The following KIF26A variants were observed in gnomAD, a reference collection of about 807,000 sequenced individuals.
The protein encoded by KIF26A is kinesin-like protein KIF26A.
A neutral mutation model predicts 126.0 loss-of-function variants in KIF26A; 74 were observed. The observed-to-expected ratio is 0.59, with a 90% CI of 0.49 to 0.71. The LOEUF (loss-of-function observed/expected upper bound fraction) is 0.71, where lower values mean the gene tolerates loss of function less well. Ranked by LOEUF, KIF26A falls within the 30% of genes least tolerant of loss-of-function variation. KIF26A has a pLI of 0.00. For synonymous variants in KIF26A, 1,445 were observed against 1,232.7 expected (o/e 1.17, Z -3.61); for missense variants, 2,984 against 2,763.3 (o/e 1.08, Z -1.79).
In KIF26A at chr14:104,157,917, T is replaced by G; in HGVS notation, c.898T>G (p.Ser300Ala). Reference protein sequence around the residue: ...PGSVGGSTGPSAAASFFIRAM... With the variant: ...PGSVGGSTGPAAAASFFIRAM... ...CTCGGTGGGGGGCTCCACAGGCCCC[T>G]CAGCTGCAGCCTCCTTCTTCATAAG... is the stretch of plus-strand genomic sequence containing the variant. Residue 300 changes from serine (S) to alanine (A), a missense_variant, in exon 4 of 15, where the codon TCA (serine) becomes GCA (alanine). Coordinates refer to ENST00000423312, the MANE Select transcript of KIF26A (RefSeq NM_015656.2). The G allele has an allele frequency of 2.6e-6, 4 of 1,525,502 alleles. No homozygotes were observed. The highest frequency in any genetic ancestry group is 3.6e-4 in the Middle Eastern group (2 of 5,562). 94.5% of individuals were successfully genotyped at this position (1,525,502 alleles called of 1,614,324 possible).
chr14:104,173,900 G>C, intron 10 of KIF26A, 32 bp downstream of exon 10: 3 of 1,540,054 alleles, frequency 1.9e-6, no homozygotes, highest in Non-Finnish European at 2.6e-6. Flanking sequence ...GTGCCGACCA[G>C]GGTGGCCCCT....
In KIF26A at chr14:104,175,526, A is replaced by G. The variant is rs1252360350; in HGVS notation, c.2738A>G (p.Glu913Gly). Residue 913 changes from glutamate to glycine, a missense_variant, in exon 12 of 15, where the codon GAG becomes GGG. By Grantham distance (98) the Glu-to-Gly change is moderately conservative. Coordinates refer to ENST00000423312, the MANE Select transcript of KIF26A (RefSeq NM_015656.2). ...CCAGACACCCACCAGGGTACCCCTGAGCCCTGCAAGGCCATTGTCTGGGGT... is the reference window on the plus strand; with the variant it reads ...CCAGACACCCACCAGGGTACCCCTGGGCCCTGCAAGGCCATTGTCTGGGGT... ...SGPDTHQGTP[E>G]PCKAIVWGDQ... The G allele has an allele frequency of 1.2e-6, 2 of 1,600,742 alleles. No homozygotes were observed. Among genetic ancestry groups the G allele is most frequent in the Non-Finnish European group, 1.7e-6 (2 of 1,179,044 alleles).
intron 3 of KIF26A, among the ~76,000 whole-genome samples, chr14:104,156,430 C>T (rs1314204471): frequency 6.7e-6 from 1 of 149,534 alleles, no homozygotes; most frequent in Non-Finnish European, 1.5e-5. Context: ...TCGCCCTTTT[C>T]TGCTACTGGG....
At position 104,152,186 on chromosome 14, in the gene KIF26A, G is replaced by GC. The variant is rs2037735772; in HGVS notation, c.466dup (p.His156ProfsTer114). The stretch of plus-strand genomic sequence containing the variant: ...CCCTGCCAGCCATGAGGACCTTGAC[G>GC]CCCCCCATGGAGGCCCCAGCCTCGC... On this transcript the variant is annotated frameshift_variant, in exon 3 of 15. Transcript: ENST00000423312. LOFTEE classifies it high-confidence loss of function. This position sits in a 1 kb window ranked among gnomAD's most constrained non-coding sequence, Gnocchi z 5.9. 1 of 1,607,012 alleles carries GC rather than the reference G, an allele frequency of 6.2e-7. No individual in the cohort carries two copies. Among genetic ancestry groups the GC allele is most frequent in the Non-Finnish European group, 8.5e-7 (1 of 1,178,050 alleles).
At chr14:104,178,859 C>T (rs1039393689) in intron 13 of KIF26A, 104 bp downstream of exon 13, 8 of 684,438 alleles carry the variant, frequency 1.2e-5, no homozygotes, top group African/African-American at 1.8e-5. Context: ...GGGGGTGTGG[C>T]TGGGCAGCCC....
rs45447200 is a variant in KIF26A, at chr14:104,173,957, C to T, written c.2030+89C>T. On this transcript the variant is annotated intron_variant, in intron 10 of 14. Coordinates refer to ENST00000423312, the MANE Select transcript of KIF26A (RefSeq NM_015656.2). Reference sequence around the variant, plus strand: ...TCTGGTGTGCCCGGTGCTGCTGTGGCCCCCAGCTCCTCAGGGCTTTGCTCC... The same window carrying T: ...TCTGGTGTGCCCGGTGCTGCTGTGGTCCCCAGCTCCTCAGGGCTTTGCTCC... 6,610 of 1,456,440 alleles carry T rather than the reference C, an allele frequency of 4.5e-3. 20 individuals carry two copies. The highest frequency in any genetic ancestry group is 4.8e-3 in the Non-Finnish European group (5,276 of 1,093,804). The allele number at this position is 1,456,440 out of a possible 1,614,324, so 90.2% of individuals were successfully genotyped here.
At chr14:104,159,757 A>G (rs940092841) in intron 4 of KIF26A, among the ~76,000 whole-genome samples, 1 of 152,080 alleles carries the variant, frequency 6.6e-6, no homozygotes, top group African/African-American at 2.4e-5. Flanking sequence ...GTCGTGGTTC[A>G]GGTTGTGGCG....
At chr14:104,178,026 C>T in intron 12 of KIF26A, 128 bp downstream of exon 12, 1 of 1,099,198 alleles carries the variant, frequency 9.1e-7, no homozygotes, top group Non-Finnish European at 1.2e-6. Context: ...GTCCCAGACC[C>T]ACACAGCCGT....
At chr14:104,172,432 G>A in intron 6 of KIF26A, 143 bp from the exon 7 acceptor site, 2 of 612,834 alleles carry the variant, frequency 3.3e-6, no homozygotes, top group South Asian at 2.0e-5. Context: ...GTGTGCACAT[G>A]GGATCTGTCC....
chr14:104,157,621 C>A, intron 3 of KIF26A, 134 bp from the exon 4 acceptor site: 1 of 978,020 alleles, frequency 1.0e-6, no homozygotes, highest in Non-Finnish European at 1.4e-6. Flanking sequence ...ACAGGCTGGG[C>A]CCTGGGGGTG....
At chr14:104,171,485 C>T (rs190806150) in intron 5 of KIF26A, among the ~76,000 whole-genome samples, 1 of 152,310 alleles carries the variant, frequency 6.6e-6, no homozygotes. Context: ...ACATTCGGTG[C>T]TGACAGGCTG....
At chr14:104,174,576 C>T (rs184444031) in intron 11 of KIF26A, among the ~76,000 whole-genome samples, 11 of 152,284 alleles carry the variant, frequency 7.2e-5, no homozygotes, top group Admixed American at 6.5e-4. Flanking sequence ...CTGCTGCCCC[C>T]GCACAGGCCC....
rs2038010941 is a variant in KIF26A at position 104,175,457 on chromosome 14, T to A, written c.2669T>A (p.Val890Glu). The change falls in exon 12 of 15, where the codon GTG becomes GAG. Residue 890 changes from valine to glutamate, a missense_variant. Physicochemically the swap from Val to Glu is moderately radical, Grantham distance 121. Coordinates refer to ENST00000423312, the MANE Select transcript of KIF26A (RefSeq NM_015656.2). Reference protein sequence around the residue: ...PPEAASPRKAVGTPMAASTPR... With the variant: ...PPEAASPRKAEGTPMAASTPR... The stretch of plus-strand genomic sequence containing the variant: ...GAGGCTGCATCCCCCAGGAAGGCCG[T>A]GGGCACCCCGATGGCTGCCAGCACC... 6.3e-7 allele frequency: 1 copy of A among 1,591,620 alleles called. No homozygotes were observed. Among genetic ancestry groups the A allele is most frequent in the Non-Finnish European group, 8.5e-7 (1 of 1,176,350 alleles).
rs1344958912 is a variant in KIF26A at position 104,140,327 on chromosome 14, C to T, written c.288+1039C>T. Among the ~76,000 whole-genome samples, 5 of 152,242 alleles carry T rather than the reference C, an allele frequency of 3.3e-5. No homozygotes were observed. The East Asian group carries it at 9.7e-4, about 29-fold the overall frequency. On this transcript the variant is annotated intron_variant, in intron 2 of 14. Transcript: ENST00000423312. ...GGGCCTGTCCTGGGGTGGGGCTGGA[C>T]CCGCCCTGTCCTCTGCTCTGGACAG...
At position 104,152,298 on chromosome 14, in the gene KIF26A, G is replaced by A; in HGVS notation, c.572G>A (p.Arg191Lys). The change falls in exon 3 of 15, where the codon AGG (arginine) becomes AAG (lysine). Residue 191 changes from arginine (R) to lysine (K), a missense_variant. Physicochemically the swap from Arg to Lys is conservative, Grantham distance 26. Coordinates refer to ENST00000423312, the MANE Select transcript of KIF26A (RefSeq NM_015656.2). This position sits in a 1 kb window ranked among gnomAD's most constrained non-coding sequence, Gnocchi z 5.9. ...CAGCCAGGACGAGCTGGGCCAGACA[G>A]GACCAAGGGGCTGGCCTGGTCCCCC... ...GRQPGRAGPD[R>K]TKGLAWSPGP... 1 of 1,586,852 alleles carries A rather than the reference G, an allele frequency of 6.3e-7. No homozygotes were observed.
Position 104,179,767 on chromosome 14 carries a change from G to A in KIF26A, c.5626G>A (p.Gly1876Arg). 1 of 1,546,378 alleles carries A rather than the reference G, an allele frequency of 6.5e-7. No individual in the cohort carries two copies. The highest frequency in any genetic ancestry group is 8.7e-7 in the Non-Finnish European group (1 of 1,146,730). ...CGTTGCAGCCAGTGCTGCCATCCCGGGGCCGCAGGAGGTGGACGTCTGAGG... is the reference window on the plus strand; with the variant it reads ...CGTTGCAGCCAGTGCTGCCATCCCGAGGCCGCAGGAGGTGGACGTCTGAGG... ...ISVAASAAIPGPQEVDV is the reference protein window; with the variant it reads ...ISVAASAAIPRPQEVDV Residue 1876 changes from glycine to arginine, a missense_variant, in exon 15 of 15, where the codon GGG (glycine) becomes AGG (arginine). Physicochemically the swap from Gly to Arg is moderately radical, Grantham distance 125 (BLOSUM62 -2). Transcript: ENST00000423312.
intron 2 of KIF26A, among the ~76,000 whole-genome samples, chr14:104,147,646 A>G (rs1426832281): frequency 1.3e-5 from 2 of 152,184 alleles, no homozygotes; most frequent in Non-Finnish European, 2.9e-5. Flanking sequence ...AGACGTGGAA[A>G]TGTCCTGGAC....
intron 2 of KIF26A, among the ~76,000 whole-genome samples, chr14:104,147,072 G>C (rs2037686675): frequency 6.6e-6 from 1 of 152,114 alleles, no homozygotes; most frequent in South Asian, 2.1e-4. Context: ...GGTTCACCCG[G>C]TGACTGCAGC....
Position 104,172,966 on chromosome 14 carries a change from G to T in KIF26A, c.1421-11G>T. The T allele has an allele frequency of 6.3e-7, 1 of 1,579,548 alleles. No individual in the cohort carries two copies. Among genetic ancestry groups the T allele is most frequent in the Non-Finnish European group, 8.6e-7 (1 of 1,159,732 alleles). ...GTGTGTGGTGGGGCCTGACGCCTGC[G>T]TGGCCCCCAGGCAAGTCGTACACCA... On this transcript the variant is annotated splice_polypyrimidine_tract_variant and intron_variant, in intron 7 of 14. Coordinates refer to ENST00000423312, the MANE Select transcript of KIF26A (RefSeq NM_015656.2).
Sources: allele counts gnomAD v4.1 joint callset (sites outside exome capture counted in the v4.1 genomes callset), GRCh38; gene constraint gnomAD v4.1.1; non-coding constraint Gnocchi (gnomAD v3.1); transcripts MANE v1.5; gene names NCBI Gene and HGNC (gene_info 2026-07-23, HGNC 2026-07-21).